ASCC3: variants seen among roughly 807,000 people sequenced by gnomAD.
ASCC3 encodes the protein ASC-1 complex subunit P200.
ASCC3 carries 158 observed loss-of-function variants against 256.3 expected under a neutral mutation model. The observed-to-expected ratio is 0.62, with a 90% confidence interval of 0.54 to 0.70. The LOEUF is 0.70. ASCC3 is among the 30% of genes least tolerant of loss of function. The pLI, the probability that ASCC3 is intolerant of heterozygous loss-of-function variation, is 0.00. For synonymous variants in ASCC3, 948 were observed against 883.4 expected, an observed-to-expected ratio of 1.07 and a Z score of -1.30; for missense variants, 2,259 against 2,626.0, an observed-to-expected ratio of 0.86 and a Z score of 3.05.
intron 14 of ASCC3, among the ~76,000 whole-genome samples, chr6:100,673,978 A>C (rs1221037554): frequency 6.6e-6 from 1 of 152,156 alleles, no homozygotes; most frequent in Non-Finnish European, 1.5e-5. Flanking sequence ...ATTGAAATTT[A>C]AAATTACTGG....
chr6:100,752,623 T>C (rs768581729), intron 10 of ASCC3, among the ~76,000 whole-genome samples: 6 of 152,150 alleles, frequency 3.9e-5, no homozygotes, highest in Non-Finnish European at 7.4e-5. Flanking sequence ...ATATGACATC[T>C]GTTTATCCTC....
intron 10 of ASCC3, among the ~76,000 whole-genome samples, chr6:100,737,519 G>A (rs1167082128): frequency 6.6e-6 from 1 of 152,116 alleles, no homozygotes; most frequent in Non-Finnish European, 1.5e-5. Context: ...TGAGGATAGT[G>A]GCTTCCAACT....
chr6:100,532,404 ATATTT>A (rs878888771), intron 37 of ASCC3, among the ~76,000 whole-genome samples: 551 of 47,832 alleles, frequency 0.012, no homozygotes, highest in African/African-American at 0.019. Flanking sequence ...ATATATATAT[ATATTT>A]TTTTTTTTTT....
chr6:100,533,937 T>C (rs953685638), intron 37 of ASCC3, among the ~76,000 whole-genome samples: 1 of 152,232 alleles, frequency 6.6e-6, no homozygotes, highest in East Asian at 1.9e-4. Context: ...AAATCACCTT[T>C]AGCAGAGCTA....
chr6:100,590,564 C>G (rs2114773722), intron 34 of ASCC3, among the ~76,000 whole-genome samples: 2 of 152,200 alleles, frequency 1.3e-5, no homozygotes, highest in South Asian at 4.1e-4. Context: ...ATATCCTAGT[C>G]AGCATGGGTA....
At chr6:100,725,805 C>A in intron 10 of ASCC3, 102 bp from the exon 11 acceptor site, 3 of 1,205,010 alleles carry the variant, frequency 2.5e-6, no homozygotes, top group Middle Eastern at 4.0e-4. Context: ...CTACATAAAT[C>A]AAATAAAAAG....
At chr6:100,618,615 G>T (rs868391455) in intron 30 of ASCC3, among the ~76,000 whole-genome samples, 8 of 152,108 alleles carry the variant, frequency 5.3e-5, no homozygotes, top group African/African-American at 1.2e-4. Flanking sequence ...CCTCACGAAG[G>T]CCCAGCTATT....
chr6:100,619,804 G>C (rs148879669), intron 30 of ASCC3, among the ~76,000 whole-genome samples: 7 of 152,104 alleles, frequency 4.6e-5, no homozygotes, highest in African/African-American at 1.7e-4. Context: ...TTAGTTAGCT[G>C]TAACTTTATA....
chr6:100,642,965 AT>A (rs1026888312), intron 23 of ASCC3, among the ~76,000 whole-genome samples: 1 of 152,154 alleles, frequency 6.6e-6, no homozygotes, highest in Non-Finnish European at 1.5e-5. Flanking sequence ...GCTAATTTAT[AT>A]TATTTACATA....
At chr6:100,709,821 A>G (rs1282108909) in intron 13 of ASCC3, among the ~76,000 whole-genome samples, 1 of 152,208 alleles carries the variant, frequency 6.6e-6, no homozygotes, top group African/African-American at 2.4e-5. Context: ...TGGAAAATGT[A>G]TAAAACTGCA....
chr6:100,548,430 C>A (rs1769104741), intron 36 of ASCC3, among the ~76,000 whole-genome samples: 1 of 151,688 alleles, frequency 6.6e-6, no homozygotes, highest in Admixed American at 6.6e-5. Context: ...AGTATTAAAT[C>A]CTTATGAAAA....
chr6:100,615,463 C>T (rs1773623425), intron 30 of ASCC3, among the ~76,000 whole-genome samples: 1 of 152,118 alleles, frequency 6.6e-6, no homozygotes, highest in Non-Finnish European at 1.5e-5. Flanking sequence ...CACTTGCTTG[C>T]TTGTGCTATC....
chr6:100,546,159 T>C (rs573658518), intron 36 of ASCC3, among the ~76,000 whole-genome samples: 22 of 152,166 alleles, frequency 1.4e-4, no homozygotes, highest in African/African-American at 4.3e-4. Context: ...ACATTATATA[T>C]ATGAAGTACA....
chr6:100,682,669 A>G (rs1777365755), intron 13 of ASCC3, among the ~76,000 whole-genome samples: 1 of 152,236 alleles, frequency 6.6e-6, no homozygotes, highest in Non-Finnish European at 1.5e-5. Context: ...TATGATAACT[A>G]TGTTTCAAAG....
At chr6:100,642,041 A>C (rs1380447277) in intron 24 of ASCC3, among the ~76,000 whole-genome samples, 1 of 151,818 alleles carries the variant, frequency 6.6e-6, no homozygotes, top group Non-Finnish European at 1.5e-5. Flanking sequence ...GAGGGATAGC[A>C]TTAGGTGATA....
chr6:100,829,603 C>T (rs888885583), intron 4 of ASCC3, among the ~76,000 whole-genome samples: 2 of 152,000 alleles, frequency 1.3e-5, no homozygotes, highest in East Asian at 1.9e-4. Context: ...CTGAGGGAGC[C>T]GGCTCCGGCC....
chr6:100,631,177 C>G lies in ASCC3; in HGVS notation c.4159G>C (p.Glu1387Gln). ...YIAPLKALVR[E>Q]RMDDWKVRIE... is the part of the protein sequence containing the mutation. Reference sequence around the variant, plus strand: ...CTAACTTTCCAATCATCCATTCTTTCACGTACTAGGGCTTTTAGGGGTGCA... The same window carrying G: ...CTAACTTTCCAATCATCCATTCTTTGACGTACTAGGGCTTTTAGGGGTGCA... The change falls in exon 26 of 42, where the codon GAA becomes CAA. Residue 1387 changes from glutamate to glutamine, a missense_variant. Coordinates refer to ENST00000369162, the MANE Select transcript of ASCC3 (RefSeq NM_006828.4). The G allele has an allele frequency of 6.2e-7, 1 of 1,612,552 alleles. No homozygotes were observed. Among genetic ancestry groups the G allele is most frequent in the Non-Finnish European group, 8.5e-7 (1 of 1,179,070 alleles).
chr6:100,747,376 TTC>T (rs1562268484), intron 10 of ASCC3, among the ~76,000 whole-genome samples: 1 of 152,064 alleles, frequency 6.6e-6, no homozygotes, highest in Non-Finnish European at 1.5e-5. Context: ...TGTCAGGCAA[TTC>T]CACTCCTAGG....
intron 13 of ASCC3, among the ~76,000 whole-genome samples, chr6:100,681,392 T>C (rs1419569027): frequency 6.6e-6 from 1 of 152,130 alleles, no homozygotes; most frequent in East Asian, 1.9e-4. Context: ...AGCTCTAACT[T>C]ATTTACTGAT....
Sources: allele counts gnomAD v4.1 joint callset (sites outside exome capture counted in the v4.1 genomes callset), GRCh38; gene constraint gnomAD v4.1.1; transcripts MANE v1.5; gene names NCBI Gene and HGNC (gene_info 2026-07-23, HGNC 2026-07-21).